Variants in ANKLE2 observed in about 807,000 individuals in gnomAD.
ANKLE2 encodes ankyrin repeat and LEM domain containing 2, also known as ankyrin repeat and LEM domain-containing protein 2.
Under a neutral mutation model 84.2 loss-of-function variants are expected in ANKLE2, and 55 were observed. The ratio of observed to expected loss-of-function variants is 0.65; its 90% CI spans 0.53 to 0.82. The LOEUF is 0.82. ANKLE2 is among the 40% of genes least tolerant of loss of function. ANKLE2 has a pLI of 0.00. For synonymous variants in ANKLE2, 551 were observed against 486.1 expected (o/e 1.13, Z -1.76); for missense variants, 1,238 against 1,201.9 (o/e 1.03, Z -0.44).
intron 7 of ANKLE2, chr12:132,737,393 T>C (rs796661461): frequency 4.3e-6 from 1 of 234,932 alleles, no homozygotes. Flanking sequence ...TAGCACACAG[T>C]AGGAGCTTAA....
chr12:132,759,960 C>T (rs570983377), intron 1 of ANKLE2: 1 of 152,084 alleles, frequency 6.6e-6, no homozygotes, highest in Admixed American at 6.6e-5. Flanking sequence ...ATGGTGAAAC[C>T]CCGTCTCTAT....
chr12:132,735,718 G>A (rs1046327921), intron 8 of ANKLE2, among the ~76,000 whole-genome samples: 1 of 152,166 alleles, frequency 6.6e-6, no homozygotes, highest in Non-Finnish European at 1.5e-5. Context: ...GGGGAGGGGA[G>A]GCGGTCTCCT....
chr12:132,753,562 G>A lies in ANKLE2; in HGVS notation c.640+1113C>T, dbSNP rs546971429. On this transcript the variant is annotated intron_variant, in intron 2 of 12. Transcript: ENST00000357997. The stretch of plus-strand genomic sequence containing the variant: ...GGGCAGATCACGACGTCAGGGGTTC[G>A]AGACCAGCTTGGCCAAAATCGCGAA... Among the ~76,000 whole-genome samples, 20 of 152,166 alleles carry A rather than the reference G, an allele frequency of 1.3e-4. No homozygotes were observed. The East Asian group carries it at 2.5e-3, about 19-fold the overall frequency.
At chr12:132,737,335 G>A in intron 7 of ANKLE2, 1 of 380,764 alleles carries the variant, frequency 2.6e-6, no homozygotes, top group Non-Finnish European at 4.8e-6. Context: ...AGAAAAGGAA[G>A]CCCCAGGTAG....
Position 132,728,109 on chromosome 12 carries a change from G to A in ANKLE2, c.2538C>T (p.Asp846=), listed in dbSNP as rs764808473. Residue 846 remains aspartate, a synonymous_variant, in exon 12 of 13, where the codon GAC becomes GAT. Coordinates refer to ENST00000357997, the MANE Select transcript of ANKLE2 (RefSeq NM_015114.3). Reference sequence around the variant, plus strand: ...CGGCCGGGAACTGATGGGGGTCGACGTCTGCACATTCAAGAGCGGCCAAAA... The same window carrying A: ...CGGCCGGGAACTGATGGGGGTCGACATCTGCACATTCAAGAGCGGCCAAAA... ...QDVLAALECA[D]VDPHQFPAVH... The A allele has an allele frequency of 4.3e-6, 7 of 1,612,996 alleles. No individual in the cohort carries two copies. Among genetic ancestry groups the A allele is most frequent in the South Asian group, 1.1e-5 (1 of 91,084 alleles).
chr12:132,745,174 T>A (rs2044209789), intron 5 of ANKLE2: 1 of 154,526 alleles, frequency 6.5e-6, no homozygotes, highest in Non-Finnish European at 1.5e-5. Context: ...CCAGCCAAGA[T>A]GTCAACCCGA....
intron 11 of ANKLE2, among the ~76,000 whole-genome samples, chr12:132,729,294 T>G (rs752025806): frequency 5.4e-5 from 7 of 129,842 alleles, no homozygotes; most frequent in Non-Finnish European, 6.4e-5. Flanking sequence ...GAGGTTACAG[T>G]GAGCTGTGAT....
chr12:132,747,360 C>G (rs567406646), intron 5 of ANKLE2, among the ~76,000 whole-genome samples: 1 of 150,802 alleles, frequency 6.6e-6, no homozygotes, highest in Admixed American at 6.6e-5. Flanking sequence ...CAGCCTCTCT[C>G]TCTCTCCACA....
At chr12:132,730,692 G>T (rs1421071704) in intron 10 of ANKLE2, 23 of 174,216 alleles carry the variant, frequency 1.3e-4, no homozygotes, top group Non-Finnish European at 6.1e-5. Context: ...GCACGCACCT[G>T]TAGTCTCAGC....
Position 132,748,143 on chromosome 12 carries a change from C to T in ANKLE2, c.1036G>A (p.Val346Met), listed in dbSNP as rs777390957. ...LIGSGDNPTI[V>M]QEGCRYNVMH... ...AGGGAACCGCCGAGACCTACCTGCACGATAGTGGGGTTGTCTCCTGAGCCT... is the reference window on the plus strand; with the variant it reads ...AGGGAACCGCCGAGACCTACCTGCATGATAGTGGGGTTGTCTCCTGAGCCT... Residue 346 changes from valine (V) to methionine (M), a missense_variant, in exon 4 of 13, where the codon GTG becomes ATG. This residue lies in a region of ANKLE2 where 802 missense variants were observed against 774.5 expected (regional missense o/e 1.04). Transcript: ENST00000357997. The T allele has an allele frequency of 1.1e-5, 18 of 1,613,236 alleles. No individual in the cohort carries two copies. The East Asian group carries it at 2.0e-4, about 18-fold the overall frequency.
rs369042209 is a variant in ANKLE2, at chr12:132,741,436, A to T, written c.1403T>A (p.Ile468Asn). 1.2e-5 allele frequency: 19 copies of T among 1,614,058 alleles called. No homozygotes were observed. Among genetic ancestry groups the T allele is most frequent in the Non-Finnish European group, 1.4e-5 (16 of 1,180,040 alleles). ...KNKSVELKER[I>N]REYLKGHYYV... ...CATCTTACCCTTTAAATACTCTCTG[A>T]TCCGCTCCTTCAGTTCCACAGATTT... Residue 468 changes from isoleucine to asparagine, a missense_variant, in exon 7 of 13, where the codon ATC (isoleucine) becomes AAC (asparagine). Ile to Asn is a moderately radical substitution (Grantham distance 149). Coordinates refer to ENST00000357997, the MANE Select transcript of ANKLE2 (RefSeq NM_015114.3).
chr12:132,731,554 A>G (rs545934472), intron 10 of ANKLE2: 11 of 152,292 alleles, frequency 7.2e-5, no homozygotes, highest in Non-Finnish European at 1.2e-4. Flanking sequence ...TTTAAACTGT[A>G]TATCTGCTTT....
intron 6 of ANKLE2, chr12:132,742,124 T>C (rs757336517): frequency 1.9e-5 from 5 of 261,632 alleles, no homozygotes; most frequent in Non-Finnish European, 3.8e-5. Flanking sequence ...TCAAATGCTT[T>C]TTAAAATGCC....
intron 10 of ANKLE2, among the ~76,000 whole-genome samples, chr12:132,732,643 G>A (rs111289911): frequency 4.1e-5 from 3 of 73,656 alleles, no homozygotes; most frequent in East Asian, 4.3e-4. Flanking sequence ...ACCGTGAAGC[G>A]CTCTGCGTGC....
chr12:132,741,902 CG>C (rs1438090375), intron 6 of ANKLE2: 3 of 454,450 alleles, frequency 6.6e-6, no homozygotes, highest in Non-Finnish European at 1.3e-5. Flanking sequence ...CTAAGTAACA[CG>C]GAACATCAAA....
chr12:132,761,783 G>C lies in ANKLE2; in HGVS notation c.16C>G (p.Leu6Val). MLWPR[L>V]AAAEWAALAW... ...AGCGCCGCCCACTCGGCCGCCGCCA[G>C]CCGCGGCCACAGCATCGCCGCCGCC... The change falls in exon 1 of 13, where the codon CTG becomes GTG. Residue 6 changes from leucine to valine, a missense_variant. Leu to Val is a conservative substitution (Grantham distance 32). Coordinates refer to ENST00000357997, the MANE Select transcript of ANKLE2 (RefSeq NM_015114.3). 8.7e-7 allele frequency: 1 copy of C among 1,148,482 alleles called. No individual in the cohort carries two copies. The highest frequency in any genetic ancestry group is 4.3e-5 in the East Asian group (1 of 23,486). The allele number at this position is 1,148,482 out of a possible 1,614,324, so 71.1% of individuals were successfully genotyped here. A position where few individuals can be genotyped will look rare whatever the true frequency, so the allele number is the denominator to read the frequency against.
chr12:132,751,093 C>A, intron 2 of ANKLE2: 1 of 358,702 alleles, frequency 2.8e-6, no homozygotes, highest in South Asian at 9.9e-5. Flanking sequence ...ATTCTATATG[C>A]CAAGATTCTA....
Position 132,732,788 on chromosome 12 carries a change from G to GTGAAGCTCTCTGCGTCCTGGTGTC in ANKLE2, c.1891+1573_1891+1596dup, listed in dbSNP as rs1457733028. Among the ~76,000 whole-genome samples the GTGAAGCTCTCTGCGTCCTGGTGTC allele has an allele frequency of 1.6e-4, 21 of 135,016 alleles. 2 individuals are homozygous for GTGAAGCTCTCTGCGTCCTGGTGTC. Among genetic ancestry groups the GTGAAGCTCTCTGCGTCCTGGTGTC allele is most frequent in the African/African-American group, 5.8e-4 (21 of 35,904 alleles). The allele number at this position is 135,016 out of a possible 152,430, so 88.6% of individuals were successfully genotyped here. ...CGTCCTGGTGTCTGATATGCACCGTGTGAAGCTCTCTGCGTCCTGGTGTCT... is the reference window on the plus strand; with the variant it reads ...CGTCCTGGTGTCTGATATGCACCGTGTGAAGCTCTCTGCGTCCTGGTGTCTGAAGCTCTCTGCGTCCTGGTGTCT... On this transcript the variant is annotated intron_variant, in intron 10 of 12. Coordinates refer to ENST00000357997, the MANE Select transcript of ANKLE2 (RefSeq NM_015114.3).
At position 132,730,094 on chromosome 12, in the gene ANKLE2, C is replaced by T. The variant is rs769893376; in HGVS notation, c.2068G>A (p.Glu690Lys). ...CTGCTGCTGTGTGGACCTCCCGGCT[C>T]GGCGGCTTCTATGAGGTCTGCCTCC... is the stretch of plus-strand genomic sequence containing the variant. Reference protein sequence around the residue: ...EQEADLIEAAEPGGPHSSRNG... With the variant: ...EQEADLIEAAKPGGPHSSRNG... Residue 690 changes from glutamate (E) to lysine (K), a missense_variant, in exon 11 of 13, where the codon GAG becomes AAG. By Grantham distance (56) the Glu-to-Lys change is moderately conservative. Transcript: ENST00000357997. The T allele has an allele frequency of 8.7e-6, 14 of 1,612,274 alleles. No individual in the cohort carries two copies. The highest frequency in any genetic ancestry group is 5.5e-5 in the South Asian group (5 of 91,058).
Sources: allele counts gnomAD v4.1 joint callset (sites outside exome capture counted in the v4.1 genomes callset), GRCh38; gene constraint gnomAD v4.1.1; regional missense constraint gnomAD v4.1.1; transcripts MANE v1.5; gene names NCBI Gene and HGNC (gene_info 2026-07-23, HGNC 2026-07-21).